The following PPM1A variants were observed in gnomAD, a reference collection of about 807,000 sequenced individuals.
PPM1A encodes protein phosphatase 1A.
Under a neutral mutation model 35.0 loss-of-function variants are expected in PPM1A, and 7 were observed. That is an observed-to-expected ratio of 0.20 (90% CI 0.11 to 0.38). The LOEUF (loss-of-function observed/expected upper bound fraction) is 0.38. PPM1A is among the 10% of genes least tolerant of loss of function. The pLI, the probability that PPM1A is intolerant of heterozygous loss-of-function variation, is 1.00. For missense variants in PPM1A, 239 were observed against 467.8 expected (o/e 0.51, Z 4.51); for synonymous variants, 153 against 167.3 (o/e 0.91, Z 0.66).
At chr14:60,287,393 T>G (rs756459651) in intron 3 of PPM1A, 54 of 979,870 alleles carry the variant, frequency 5.5e-5, no homozygotes, top group Non-Finnish European at 6.5e-5. Context: ...ATATGGTATT[T>G]TTTACTCAGA....
chr14:60,254,413 A>G lies in PPM1A; in HGVS notation c.-21+4736A>G, dbSNP rs112324047. ...GATAAAGAGTAACAGTAATAAAGCA[A>G]AGGTGAATGTTCAGGCTAGAATGAT... On this transcript the variant is annotated intron_variant, in intron 1 of 5. Coordinates refer to ENST00000395076, the MANE Select transcript of PPM1A (RefSeq NM_021003.5). Among the ~76,000 whole-genome samples, 1,186 of 152,314 alleles carry G rather than the reference A, an allele frequency of 7.8e-3. 4 individuals carry two copies. Among genetic ancestry groups the G allele is most frequent in the Non-Finnish European group, 0.014 (932 of 68,022 alleles).
chr14:60,257,861 G>A (rs1883314466), intron 1 of PPM1A, among the ~76,000 whole-genome samples: 1 of 152,092 alleles, frequency 6.6e-6, no homozygotes, highest in Admixed American at 6.5e-5. Context: ...TAACTTACCA[G>A]GCTTTAGAAA....
intron 2 of PPM1A, among the ~76,000 whole-genome samples, chr14:60,285,150 C>T (rs950737874): frequency 1.3e-5 from 2 of 151,894 alleles, no homozygotes; most frequent in African/African-American, 4.8e-5. Flanking sequence ...ATGTATTAGC[C>T]CCACAATTTA....
At chr14:60,272,360 G>T in intron 1 of PPM1A, among the ~76,000 whole-genome samples, 1 of 151,504 alleles carries the variant, frequency 6.6e-6, no homozygotes, top group Non-Finnish European at 1.5e-5. Flanking sequence ...TTGTATCCAG[G>T]AATGTGTGTA....
rs1887858496 is a variant in PPM1A, at chr14:60,293,846, AT to A, written c.*1365del. 1 of 152,004 alleles carries A rather than the reference AT, an allele frequency of 6.6e-6. No homozygotes were observed. The highest frequency in any genetic ancestry group is 6.6e-5 in the Admixed American group (1 of 15,218). 9.4% of individuals were successfully genotyped at this position (152,004 alleles called of 1,614,324 possible). On this transcript the variant is annotated 3_prime_UTR_variant, in exon 6 of 6. Coordinates refer to ENST00000395076, the MANE Select transcript of PPM1A (RefSeq NM_021003.5). This position sits in a 1 kb window ranked among gnomAD's most constrained non-coding sequence, Gnocchi z 4.0. ...AGCTTAAGGAATTGTAGATATAAAAATAACCTAATTTAATTTAGGCTTAAAT... is the reference window on the plus strand; with the variant it reads ...AGCTTAAGGAATTGTAGATATAAAAAAACCTAATTTAATTTAGGCTTAAAT...
chr14:60,290,167 A>G (rs1326550827), intron 4 of PPM1A, among the ~76,000 whole-genome samples: 3 of 152,200 alleles, frequency 2.0e-5, no homozygotes, highest in Non-Finnish European at 4.4e-5. Context: ...CTCATAGAGC[A>G]TAAACGAGAT....
intron 1 of PPM1A, among the ~76,000 whole-genome samples, chr14:60,276,483 T>C (rs1382284649): frequency 6.6e-6 from 1 of 152,184 alleles, no homozygotes; most frequent in African/African-American, 2.4e-5. Flanking sequence ...CCACCCTTCT[T>C]GGAATGCCTG....
At chr14:60,286,945 A>G in intron 3 of PPM1A, 2 of 892,138 alleles carry the variant, frequency 2.2e-6, no homozygotes, top group African/African-American at 3.6e-5. Flanking sequence ...TAAGTTATTT[A>G]TAGGTATAGT....
At position 60,293,611 on chromosome 14, in the gene PPM1A, C is replaced by T. The variant is rs925206560; in HGVS notation, c.*1129C>T. The stretch of plus-strand genomic sequence containing the variant: ...TAAGATGTGTATCAGCTTGGATTTG[C>T]CTACTGTTTAATTAAAATATTTATT... On this transcript the variant is annotated 3_prime_UTR_variant, in exon 6 of 6. Transcript: ENST00000395076. This position sits in a 1 kb window ranked among gnomAD's most constrained non-coding sequence, Gnocchi z 4.0. The T allele has an allele frequency of 1.3e-5, 2 of 151,784 alleles. No individual in the cohort carries two copies. The highest frequency in any genetic ancestry group is 4.8e-5 in the African/African-American group (2 of 41,330). 9.4% of individuals were successfully genotyped at this position (151,784 alleles called of 1,614,324 possible).
chr14:60,283,628 A>C lies in PPM1A; in HGVS notation c.834+91A>C. Reference sequence around the variant, plus strand: ...AATCATCTTAGAATCTGTAATTCTGAAACCAGTTTTTGGCACAACTGTAGG... The same window carrying C: ...AATCATCTTAGAATCTGTAATTCTGCAACCAGTTTTTGGCACAACTGTAGG... On this transcript the variant is annotated intron_variant, in intron 2 of 5. Coordinates refer to ENST00000395076, the MANE Select transcript of PPM1A (RefSeq NM_021003.5). The surrounding 1 kb of genome is among the most constrained non-coding windows in gnomAD (Gnocchi z 6.3). The C allele has an allele frequency of 7.2e-7, 1 of 1,384,280 alleles. No homozygotes were observed. Among genetic ancestry groups the C allele is most frequent in the Non-Finnish European group, 9.7e-7 (1 of 1,030,590 alleles). 85.7% of individuals were successfully genotyped at this position (1,384,280 alleles called of 1,614,324 possible).
chr14:60,263,206 G>T (rs1454507543), intron 1 of PPM1A, among the ~76,000 whole-genome samples: 1 of 152,026 alleles, frequency 6.6e-6, no homozygotes, highest in East Asian at 1.9e-4. Context: ...GACAGAGGGA[G>T]ACTCCGTCTC....
In PPM1A at chr14:60,273,701, G is replaced by A. The variant is rs1885425275; in HGVS notation, c.-20-8983G>A. 6.6e-6 allele frequency among the ~76,000 whole-genome samples: 1 copy of A among 152,108 alleles called. No homozygotes were observed. The highest frequency in any genetic ancestry group is 2.1e-4 in the South Asian group (1 of 4,830). On this transcript the variant is annotated intron_variant, in intron 1 of 5. Transcript: ENST00000395076. The surrounding 1 kb of genome is among the most constrained non-coding windows in gnomAD (Gnocchi z 4.3). ...GCTAGTATTCTGCAGTGAGAATGAT[G>A]GTAACTTGAGACCAGGGCATTGGTA... is the stretch of plus-strand genomic sequence containing the variant.
At chr14:60,285,884 A>G in intron 3 of PPM1A, 143 bp downstream of exon 3, 1 of 1,432,278 alleles carries the variant, frequency 7.0e-7, no homozygotes, top group Non-Finnish European at 9.2e-7. Context: ...ACATTTCTGT[A>G]GTAGCTGTTA....
At chr14:60,288,876 ACTTT>A (rs1239020043) in intron 3 of PPM1A, among the ~76,000 whole-genome samples, 2 of 152,106 alleles carry the variant, frequency 1.3e-5, no homozygotes, top group Non-Finnish European at 2.9e-5. Context: ...ACTTACAAAT[ACTTT>A]TGACTTGAAT....
intron 1 of PPM1A, among the ~76,000 whole-genome samples, chr14:60,281,551 C>A (rs192093358): frequency 3.2e-4 from 49 of 152,318 alleles, no homozygotes; most frequent in African/African-American, 1.0e-3. Flanking sequence ...TCCCTACTAC[C>A]TAACTCCTCT....
chr14:60,284,707 G>GTATATATA (rs9323362), intron 2 of PPM1A, among the ~76,000 whole-genome samples: 215 of 143,342 alleles, frequency 1.5e-3, no homozygotes, highest in Middle Eastern at 3.7e-3. Context: ...ATGTGTGTGT[G>GTATATATA]TATATATATA....
chr14:60,247,627 CAAAAAAAAAAAAAAA>C (rs58749853), upstream of PPM1A, among the ~76,000 whole-genome samples: 339 of 50,192 alleles, frequency 6.8e-3, 3 homozygotes, highest in African/African-American at 0.022. Flanking sequence ...GACTCTGTCT[CAAAAAAAAAAAAAAA>C]AAAAAAAAAA....
chr14:60,269,363 C>T (rs1199172751), intron 1 of PPM1A, among the ~76,000 whole-genome samples: 2 of 151,878 alleles, frequency 1.3e-5, no homozygotes, highest in African/African-American at 2.4e-5. Flanking sequence ...CATATTTGAT[C>T]ATGTCTTCTT....
At chr14:60,287,704 T>C in intron 3 of PPM1A, 1 of 985,350 alleles carries the variant, frequency 1.0e-6, no homozygotes, top group Non-Finnish European at 1.2e-6. Flanking sequence ...TTTTCTCTTA[T>C]TTGTTCCCTT....
Sources: gnomAD v4.1 joint callset for allele counts (sites outside exome capture counted in the v4.1 genomes callset) on GRCh38, gnomAD v4.1.1 for gene constraint, Gnocchi (gnomAD v3.1) non-coding constraint, MANE v1.5 for transcripts, NCBI Gene and HGNC (gene_info 2026-07-23, HGNC 2026-07-21) for gene names.